Variants in PHF14 observed in about 807,000 individuals in gnomAD.
The protein encoded by PHF14 is PHD finger protein 14.
A neutral mutation model predicts 117.9 loss-of-function variants in PHF14; 55 were observed. That is an observed-to-expected ratio of 0.47 (90% CI 0.38 to 0.58). The LOEUF (loss-of-function observed/expected upper bound fraction) is 0.58. Among genes scored for constraint, PHF14 ranks in the 20% least tolerant of loss-of-function variants. The pLI is 0.00. For missense variants in PHF14, 978 were observed against 1,122.2 expected (o/e 0.87, Z 1.84); for synonymous variants, 409 against 368.6 (o/e 1.11, Z -1.26).
chr7:11,089,779 T>C (rs1387649440), intron 16 of PHF14, among the ~76,000 whole-genome samples: 1 of 147,482 alleles, frequency 6.8e-6, no homozygotes, highest in Non-Finnish European at 1.5e-5. Context: ...TTTTTTTTTT[T>C]TTTTTTTTGA....
chr7:11,022,530 T>A lies in PHF14; in HGVS notation c.1206-338T>A, dbSNP rs551238128. On this transcript the variant is annotated intron_variant, in intron 5 of 17. Transcript: ENST00000634607. ...CCTTTCCTTGCATATGAAAATGATGTTTTGTTTCATTTGAATAGTAGTTTT... is the reference window on the plus strand; with the variant it reads ...CCTTTCCTTGCATATGAAAATGATGATTTGTTTCATTTGAATAGTAGTTTT... Among the ~76,000 whole-genome samples, 77 of 152,302 alleles carry A rather than the reference T, an allele frequency of 5.1e-4. 1 individual carries two copies. The highest frequency in any genetic ancestry group is 1.8e-3 in the African/African-American group (76 of 41,578).
In PHF14 at chr7:10,988,582, T is replaced by C. The variant is rs187226690; in HGVS notation, c.901-2121T>C. 1.4e-4 allele frequency among the ~76,000 whole-genome samples: 19 copies of C among 140,358 alleles called. 1 individual carries two copies. Among genetic ancestry groups the C allele is most frequent in the African/African-American group, 5.1e-4 (19 of 37,326 alleles). The allele number at this position is 140,358 out of a possible 152,430, so 92.1% of individuals were successfully genotyped here. A position where few individuals can be genotyped will look rare whatever the true frequency, so the allele number is the denominator to read the frequency against. ...CCTAGATGTGGTATTCCAAGGAAAG[T>C]CTTTTTTGGACTTACCGTGGGGATG... is the stretch of plus-strand genomic sequence containing the variant. On this transcript the variant is annotated intron_variant, in intron 3 of 17. Transcript: ENST00000634607.
intron 3 of PHF14, among the ~76,000 whole-genome samples, chr7:10,990,476 G>A (rs2128310206): frequency 1.3e-5 from 2 of 152,304 alleles, no homozygotes; most frequent in Middle Eastern, 6.8e-3. Context: ...GAAGCTTGCA[G>A]AGAAGTGAAA....
At chr7:11,070,759 A>G (rs1389686488) in intron 16 of PHF14, among the ~76,000 whole-genome samples, 1 of 152,194 alleles carries the variant, frequency 6.6e-6, no homozygotes, top group Non-Finnish European at 1.5e-5. Flanking sequence ...TGGACCTTCC[A>G]TTTATTTCTA....
At chr7:11,058,274 C>G (rs1195675408) in intron 14 of PHF14, among the ~76,000 whole-genome samples, 1 of 152,024 alleles carries the variant, frequency 6.6e-6, no homozygotes, top group Admixed American at 6.5e-5. Flanking sequence ...CCATTTCTCC[C>G]TCTTTTAAAT....
At chr7:11,045,804 G>C (rs1477121366) in intron 13 of PHF14, among the ~76,000 whole-genome samples, 1 of 152,184 alleles carries the variant, frequency 6.6e-6, no homozygotes, top group Non-Finnish European at 1.5e-5. Context: ...TCTGTTGAGA[G>C]GGAAGAGACC....
intron 13 of PHF14, among the ~76,000 whole-genome samples, chr7:11,048,175 T>G (rs1784739491): frequency 6.6e-6 from 1 of 152,052 alleles, no homozygotes; most frequent in Non-Finnish European, 1.5e-5. Context: ...AGAATTAAGG[T>G]GAGTTTAGCT....
chr7:11,145,327 G>C (rs1355854379), intron 17 of PHF14, among the ~76,000 whole-genome samples: 7 of 151,726 alleles, frequency 4.6e-5, no homozygotes, highest in Non-Finnish European at 4.4e-5. Flanking sequence ...ATTTCAGTGA[G>C]GCTCTAGGAG....
intron 16 of PHF14, chr7:11,103,632 TAATA>T (rs1787165259): frequency 1.0e-6 from 1 of 985,200 alleles, no homozygotes; most frequent in African/African-American, 1.7e-5. Flanking sequence ...ATTTTCTGAT[TAATA>T]AATGTGGTTT....
intron 2 of PHF14, among the ~76,000 whole-genome samples, chr7:10,978,825 C>G (rs886976818): frequency 6.6e-6 from 1 of 152,072 alleles, no homozygotes; most frequent in Non-Finnish European, 1.5e-5. Context: ...AAAATGTTCC[C>G]GTTTGAGTAC....
chr7:11,118,671 A>C (rs974559909), intron 17 of PHF14, among the ~76,000 whole-genome samples: 1 of 151,766 alleles, frequency 6.6e-6, no homozygotes, highest in Non-Finnish European at 1.5e-5. Flanking sequence ...TTTCTAGACA[A>C]TGTTTTTATC....
At chr7:11,045,900 G>A (rs891325283) in intron 13 of PHF14, among the ~76,000 whole-genome samples, 35 of 152,184 alleles carry the variant, frequency 2.3e-4, no homozygotes, top group African/African-American at 7.7e-4. Flanking sequence ...CTGAGGCTGT[G>A]TAGCAAGAAT....
At chr7:11,162,170 C>CCTCCACCT (rs1486280145) in intron 17 of PHF14, among the ~76,000 whole-genome samples, 39 of 142,950 alleles carry the variant, frequency 2.7e-4, no homozygotes, top group African/African-American at 9.8e-4. Context: ...CTCACTGCAA[C>CCTCCACCT]CTCCACCTCC....
At chr7:11,160,393 G>C (rs537084258) in intron 17 of PHF14, among the ~76,000 whole-genome samples, 1 of 152,280 alleles carries the variant, frequency 6.6e-6, no homozygotes, top group Admixed American at 6.5e-5. Flanking sequence ...TTGGTAGAAT[G>C]ATTTATTTTC....
At position 11,067,219 on chromosome 7, in the gene PHF14, C is replaced by T. The variant is rs79432044; in HGVS notation, c.2654+5134C>T. Among the ~76,000 whole-genome samples the T allele has an allele frequency of 6.1e-3, 934 of 152,220 alleles. 7 individuals are homozygous for T. The highest frequency in any genetic ancestry group is 0.022 in the African/African-American group (897 of 41,526). On this transcript the variant is annotated intron_variant, in intron 16 of 17. Transcript: ENST00000634607. ...GCATATGAAAAGATGCTCAACATCA[C>T]GAATCATTCAGGAAGAGTAAATCGA...
chr7:11,069,599 TTCCC>T (rs1209638683), intron 16 of PHF14, among the ~76,000 whole-genome samples: 45 of 145,138 alleles, frequency 3.1e-4, no homozygotes, highest in Admixed American at 5.5e-4. Flanking sequence ...TGTGAACGTA[TTCCC>T]TCCCTCCCTC....
At chr7:10,975,020 T>G (rs1781812373) in intron 2 of PHF14, 75 bp downstream of exon 2, 1 of 787,556 alleles carries the variant, frequency 1.3e-6, no homozygotes, top group South Asian at 1.6e-5. Context: ...TTAAATCGGT[T>G]TTGATTAAAA....
At chr7:11,154,336 G>A (rs1252287218) in intron 17 of PHF14, among the ~76,000 whole-genome samples, 2 of 151,990 alleles carry the variant, frequency 1.3e-5, no homozygotes, top group East Asian at 1.9e-4. Flanking sequence ...ATCATTTCAA[G>A]GTGAATTAAA....
chr7:11,149,495 T>C (rs1423140448), intron 17 of PHF14, among the ~76,000 whole-genome samples: 1 of 152,188 alleles, frequency 6.6e-6, no homozygotes, highest in Non-Finnish European at 1.5e-5. Context: ...TCAAATCTTA[T>C]GGCCCTTTAA....
Sources: gnomAD v4.1 joint callset for allele counts (sites outside exome capture counted in the v4.1 genomes callset) on GRCh38, gnomAD v4.1.1 for gene constraint, MANE v1.5 for transcripts, NCBI Gene and HGNC (gene_info 2026-07-23, HGNC 2026-07-21) for gene names.